NISCH: variants seen among roughly 807,000 people sequenced by gnomAD.
NISCH encodes the protein I-1 receptor candidate protein.
NISCH carries 55 observed loss-of-function variants against 138.4 expected under a neutral mutation model. The observed-to-expected ratio is 0.40, with a 90% CI of 0.32 to 0.50. The LOEUF (loss-of-function observed/expected upper bound fraction) is 0.50. NISCH is among the 20% of genes least tolerant of loss of function. The pLI is 0.71. For synonymous variants in NISCH, 860 were observed against 861.5 expected (o/e 1.00, Z 0.03); for missense variants, 1,643 against 2,005.5 (o/e 0.82, Z 3.45).
intron 11 of NISCH, 89 bp from the exon 12 acceptor site, chr3:52,479,660 C>T: frequency 5.3e-6 from 5 of 942,360 alleles, no homozygotes; most frequent in South Asian, 1.7e-5. Context: ...GCCATGCTCA[C>T]CAGTCCCCAT....
chr3:52,456,578 T>G (rs1222877206), intron 1 of NISCH, among the ~76,000 whole-genome samples: 1 of 152,214 alleles, frequency 6.6e-6, no homozygotes, highest in Non-Finnish European at 1.5e-5. Context: ...TCCTCCCCTT[T>G]GTTCCCGCAG....
In NISCH at chr3:52,488,167, G is replaced by C. The variant is rs201933512; in HGVS notation, c.2675G>C (p.Arg892Pro). ...TGCACACTCTGTTCAGCCGTGCGGC[G>C]CTCCTGCTGCGCGCCCTCTGAGGCC... ...ASCTLCSAVR[R>P]SCCAPSEAVK... is the part of the protein sequence containing the mutation. The change falls in exon 16 of 21, where the codon CGC (arginine) becomes CCC (proline). Residue 892 changes from arginine to proline, a missense_variant. Physicochemically the swap from Arg to Pro is moderately radical, Grantham distance 103 (BLOSUM62 -2). Coordinates refer to ENST00000345716, the MANE Select transcript of NISCH (RefSeq NM_007184.4). The C allele has an allele frequency of 2.5e-6, 4 of 1,613,260 alleles. No homozygotes were observed. Among genetic ancestry groups the C allele is most frequent in the Non-Finnish European group, 3.4e-6 (4 of 1,179,952 alleles).
At chr3:52,481,416 C>T in intron 13 of NISCH, 1 of 986,216 alleles carries the variant, frequency 1.0e-6, no homozygotes, top group Non-Finnish European at 1.2e-6. Flanking sequence ...GGATGATTGC[C>T]CATTTTGCTT....
intron 6 of NISCH, 140 bp from the exon 7 acceptor site, chr3:52,473,594 G>C (rs1707009256): frequency 1.8e-6 from 1 of 548,652 alleles, no homozygotes; most frequent in African/African-American, 1.9e-5. Context: ...GAGACACTTT[G>C]GTCTTGAGTG....
intron 3 of NISCH, among the ~76,000 whole-genome samples, chr3:52,470,200 G>A (rs1028306063): frequency 2.0e-5 from 3 of 152,116 alleles, no homozygotes; most frequent in East Asian, 1.9e-4. Context: ...GGATCCAAGC[G>A]TGTTGTTTGT....
chr3:52,472,254 G>T, intron 5 of NISCH, 49 bp from the exon 6 acceptor site: 1 of 1,534,214 alleles, frequency 6.5e-7, no homozygotes, highest in East Asian at 2.2e-5. Context: ...AGCACTCCCC[G>T]ATGGGCATGC....
rs559922760 is a variant in NISCH at position 52,481,362 on chromosome 3, G to A, written c.1528+1067G>A. On this transcript the variant is annotated intron_variant, in intron 13 of 20. Transcript: ENST00000345716. ...CACACTGAGGTCACACCTGTGAGAT[G>A]TGGAAGAGAATTCCTGAGCGTGGAG... is the stretch of plus-strand genomic sequence containing the variant. 1.0e-5 allele frequency: 10 copies of A among 990,572 alleles called. No homozygotes were observed. In the East Asian group the frequency reaches 3.3e-4, roughly 33 times the overall value. The allele number at this position is 990,572 out of a possible 1,614,324, so 61.4% of individuals were successfully genotyped here. A position where few individuals can be genotyped will look rare whatever the true frequency, so the allele number is the denominator to read the frequency against.
chr3:52,487,060 G>T lies in NISCH; in HGVS notation c.1704-136G>T. ...GGGCCCTCATCCTGGGAACTGACTTGGCCATGTGGGAGGCTTGGGAGACCC... is the reference window on the plus strand; with the variant it reads ...GGGCCCTCATCCTGGGAACTGACTTTGCCATGTGGGAGGCTTGGGAGACCC... On this transcript the variant is annotated intron_variant, in intron 15 of 20. Transcript: ENST00000345716. This position sits in a 1 kb window ranked among gnomAD's most constrained non-coding sequence, Gnocchi z 9.1. 1 of 971,156 alleles carries T rather than the reference G, an allele frequency of 1.0e-6. No homozygotes were observed. Among genetic ancestry groups the T allele is most frequent in the Non-Finnish European group, 1.5e-6 (1 of 665,022 alleles). The allele number at this position is 971,156 out of a possible 1,614,324, so 60.2% of individuals were successfully genotyped here. A position where few individuals can be genotyped will look rare whatever the true frequency, so the allele number is the denominator to read the frequency against.
intron 13 of NISCH, chr3:52,481,427 C>T (rs753368781): frequency 5.1e-6 from 5 of 986,024 alleles, no homozygotes; most frequent in Non-Finnish European, 6.0e-6. Flanking sequence ...CATTTTGCTT[C>T]TGTCAGACTC....
At chr3:52,466,271 G>T (rs142603709) in intron 3 of NISCH, among the ~76,000 whole-genome samples, 1 of 152,212 alleles carries the variant, frequency 6.6e-6, no homozygotes, top group Non-Finnish European at 1.5e-5. Context: ...ATAAATTAAA[G>T]TGAGACGAGG....
intron 18 of NISCH, 60 bp downstream of exon 18, chr3:52,490,291 G>T: frequency 6.3e-7 from 1 of 1,579,568 alleles, no homozygotes. Flanking sequence ...GCAGGCCTGG[G>T]GGGTCATTCT....
chr3:52,472,449 A>T, intron 6 of NISCH, 51 bp downstream of exon 6: 1 of 1,497,350 alleles, frequency 6.7e-7, no homozygotes, highest in Non-Finnish European at 9.3e-7. Context: ...CAGAGGCTAG[A>T]GAGTGTTTGT....
intron 13 of NISCH, chr3:52,480,693 A>G (rs1707247252): frequency 1.4e-6 from 2 of 1,419,230 alleles, no homozygotes; most frequent in East Asian, 5.2e-5. Flanking sequence ...CTGGAGCCCG[A>G]ATCCCTGTGC....
At chr3:52,458,899 T>C in intron 3 of NISCH, 55 bp downstream of exon 3, 1 of 1,505,198 alleles carries the variant, frequency 6.6e-7, no homozygotes, top group South Asian at 1.3e-5. Context: ...CTGCCAAACT[T>C]GAGGCAGCAA....
chr3:52,455,655 G>C lies in NISCH; in HGVS notation c.14G>C (p.Arg5Pro). The change falls in exon 1 of 21, where the codon CGC becomes CCC. Residue 5 changes from arginine to proline, a missense_variant. Arg to Pro is a moderately radical substitution (Grantham distance 103, BLOSUM62 -2). Coordinates refer to ENST00000345716, the MANE Select transcript of NISCH (RefSeq NM_007184.4). MATA[R>P]TFGPEREAEP... is the part of the protein sequence containing the mutation. ...GGAGACCCGAACATGGCGACCGCGC[G>C]CACCTTCGGGCCCGAGCGGGAAGCC... The C allele has an allele frequency of 7.4e-7, 1 of 1,345,110 alleles. No individual in the cohort carries two copies. Among genetic ancestry groups the C allele is most frequent in the Non-Finnish European group, 9.6e-7 (1 of 1,039,778 alleles). 83.3% of individuals were successfully genotyped at this position (1,345,110 alleles called of 1,614,324 possible).
At chr3:52,463,925 C>T (rs1706707301) in intron 3 of NISCH, among the ~76,000 whole-genome samples, 1 of 150,686 alleles carries the variant, frequency 6.6e-6, no homozygotes, top group Non-Finnish European at 1.5e-5. Flanking sequence ...CGGGGTTTCA[C>T]CATGTCGGCC....
At chr3:52,460,400 ATTTTT>A (rs60949920) in intron 3 of NISCH, among the ~76,000 whole-genome samples, 4 of 114,426 alleles carry the variant, frequency 3.5e-5, no homozygotes, top group African/African-American at 3.5e-5. Flanking sequence ...TGGCTGTACT[ATTTTT>A]TTTTTTTTTT....
chr3:52,457,081 A>G (rs960758982), intron 1 of NISCH, among the ~76,000 whole-genome samples: 6 of 152,212 alleles, frequency 3.9e-5, no homozygotes, highest in African/African-American at 1.4e-4. Context: ...GCCCATGTAC[A>G]AAGCATTTTA....
chr3:52,481,019 C>T, intron 13 of NISCH: 4 of 1,383,738 alleles, frequency 2.9e-6, no homozygotes, highest in Non-Finnish European at 3.7e-6. Flanking sequence ...TGCCCGGGCT[C>T]CTGGAGACGC....
Sources: allele counts gnomAD v4.1 joint callset (sites outside exome capture counted in the v4.1 genomes callset), GRCh38; gene constraint gnomAD v4.1.1; non-coding constraint Gnocchi (gnomAD v3.1); transcripts MANE v1.5; gene names NCBI Gene and HGNC (gene_info 2026-07-23, HGNC 2026-07-21).